FUT8: variants seen among roughly 807,000 people sequenced by gnomAD.
FUT8 encodes the protein fucosyltransferase 8.
A neutral mutation model predicts 71.3 loss-of-function variants in FUT8; 29 were observed. The observed-to-expected ratio is 0.41, with a 90% confidence interval of 0.30 to 0.55. FUT8 has a LOEUF of 0.55. Ranked by LOEUF, FUT8 falls within the 20% of genes least tolerant of loss-of-function variation. The pLI is 0.34. For missense variants in FUT8, 544 were observed against 702.1 expected, an observed-to-expected ratio of 0.77 and a Z score of 2.55; for synonymous variants, 254 against 239.3, an observed-to-expected ratio of 1.06 and a Z score of -0.57.
chr14:65,568,760 G>C (rs1407105385), intron 3 of FUT8, among the ~76,000 whole-genome samples: 1 of 150,640 alleles, frequency 6.6e-6, no homozygotes, highest in East Asian at 1.9e-4. Context: ...ATTTAAGTTA[G>C]GTTGGTTAAT....
chr14:65,633,255 G>C lies in FUT8; in HGVS notation c.597+3649G>C, dbSNP rs562954792. ...GGGCTGGTCTCCAGCTCCTAACCGCGAGTGATCCGCCAGCCTCGGCCTCCT... is the reference window on the plus strand; with the variant it reads ...GGGCTGGTCTCCAGCTCCTAACCGCCAGTGATCCGCCAGCCTCGGCCTCCT... On this transcript the variant is annotated intron_variant, in intron 6 of 10. Transcript: ENST00000673929. 3.3e-5 allele frequency among the ~76,000 whole-genome samples: 5 copies of C among 151,458 alleles called. No individual in the cohort carries two copies. The Middle Eastern group carries it at 0.014, about 412-fold the overall frequency.
rs978968991 is a variant in FUT8, at chr14:65,607,178, G to T, written c.204-8800G>T. Among the ~76,000 whole-genome samples the T allele has an allele frequency of 6.6e-6, 1 of 151,742 alleles. No individual in the cohort carries two copies. The highest frequency in any genetic ancestry group is 2.4e-5 in the African/African-American group (1 of 41,390). On this transcript the variant is annotated intron_variant, in intron 3 of 10. Transcript: ENST00000673929. The surrounding 1 kb of genome is among the most constrained non-coding windows in gnomAD (Gnocchi z 4.1). Reference sequence around the variant, plus strand: ...ATTTGTTTCTTCATTTTCTACACTTGTAAGTCTTACTTCTTTATCTTATTA... The same window carrying T: ...ATTTGTTTCTTCATTTTCTACACTTTTAAGTCTTACTTCTTTATCTTATTA...
chr14:65,529,464 A>G (rs1883781012), intron 2 of FUT8: 2 of 152,632 alleles, frequency 1.3e-5, no homozygotes, highest in South Asian at 2.1e-4. Context: ...AACTGCCGAC[A>G]TCAGGTGATC....
rs564428677 is a variant in FUT8, at chr14:65,521,327, A to G, written c.-227-40010A>G. On this transcript the variant is annotated intron_variant, in intron 2 of 10. Coordinates refer to ENST00000673929, the MANE Select transcript of FUT8 (RefSeq NM_001371533.1). Reference sequence around the variant, plus strand: ...AATTGTTACATAAAAATGTATGAGTATGGATAAAAACATATATATTAGTCT... The same window carrying G: ...AATTGTTACATAAAAATGTATGAGTGTGGATAAAAACATATATATTAGTCT... Among the ~76,000 whole-genome samples, 4 of 152,330 alleles carry G rather than the reference A, an allele frequency of 2.6e-5. No homozygotes were observed. The East Asian group carries it at 7.7e-4, about 29-fold the overall frequency.
chr14:65,478,275 G>A (rs1201941894), intron 2 of FUT8, among the ~76,000 whole-genome samples: 2 of 152,074 alleles, frequency 1.3e-5, no homozygotes, highest in Non-Finnish European at 1.5e-5. Context: ...TGAAACCATG[G>A]ATAGTACTGA....
Position 65,616,225 on chromosome 14 carries a change from C to T in FUT8, c.334C>T (p.His112Tyr). ...KQTRNGLGKD[H>Y]EILRRRIENG... is the part of the protein sequence containing the mutation. ...TTTGACTACAGGTCTGGGGAAGGAT[C>T]ATGAAATCCTGAGGAGGAGGATTGA... The change falls in exon 5 of 11, where the codon CAT (histidine) becomes TAT (tyrosine). Residue 112 changes from histidine (H) to tyrosine (Y), a missense_variant. Coordinates refer to ENST00000673929, the MANE Select transcript of FUT8 (RefSeq NM_001371533.1). 5 of 1,605,698 alleles carry T rather than the reference C, an allele frequency of 3.1e-6. No individual in the cohort carries two copies. Among genetic ancestry groups the T allele is most frequent in the Non-Finnish European group, 2.5e-6 (3 of 1,176,556 alleles).
intron 2 of FUT8, among the ~76,000 whole-genome samples, chr14:65,541,296 A>T (rs558792655): frequency 6.6e-6 from 1 of 152,302 alleles, no homozygotes; most frequent in African/African-American, 2.4e-5. Context: ...ACATAAGAGG[A>T]GATTTATCAT....
intron 1 of FUT8, among the ~76,000 whole-genome samples, chr14:65,431,015 G>C (rs969378324): frequency 8.0e-6 from 1 of 125,036 alleles, no homozygotes; most frequent in Non-Finnish European, 1.6e-5. Context: ...TTTTTTTTGA[G>C]ACAGAGTTTC....
Position 65,742,134 on chromosome 14 carries a change from T to C in FUT8, c.1452T>C (p.Pro484=). 1 of 1,613,074 alleles carries C rather than the reference T, an allele frequency of 6.2e-7. No individual in the cohort carries two copies. Among genetic ancestry groups the C allele is most frequent in the Non-Finnish European group, 8.5e-7 (1 of 1,179,316 alleles). ...VAYEIMQTLH[P]DASANFHSLD... is the part of the protein sequence containing the mutation. ...ATGAAATTATGCAAACACTACATCCTGATGCCTCTGCAAACTTCCATTCTT... is the reference window on the plus strand; with the variant it reads ...ATGAAATTATGCAAACACTACATCCCGATGCCTCTGCAAACTTCCATTCTT... The change falls in exon 11 of 11, where the codon CCT becomes CCC. Residue 484 remains proline, a synonymous_variant. Transcript: ENST00000673929.
intron 5 of FUT8, among the ~76,000 whole-genome samples, chr14:65,618,216 CTTT>C (rs1179839004): frequency 6.6e-6 from 1 of 151,070 alleles, no homozygotes; most frequent in Non-Finnish European, 1.5e-5. Flanking sequence ...TGAAATAATT[CTTT>C]AAGGAATTAT....
chr14:65,599,810 A>T (rs990640135), intron 3 of FUT8, among the ~76,000 whole-genome samples: 5 of 152,234 alleles, frequency 3.3e-5, no homozygotes, highest in Non-Finnish European at 5.9e-5. Flanking sequence ...TTCTTAATAA[A>T]GCCATTAACT....
chr14:65,380,423 T>C, the FUT8 span, among the ~76,000 whole-genome samples: 1 of 152,114 alleles, frequency 6.6e-6, no homozygotes, highest in Non-Finnish European at 1.5e-5. Context: ...ATTAAAACCA[T>C]AGTAGAAGGT....
At chr14:65,436,321 C>G (rs2065558311) in intron 1 of FUT8, among the ~76,000 whole-genome samples, 1 of 152,062 alleles carries the variant, frequency 6.6e-6, no homozygotes, top group Non-Finnish European at 1.5e-5. Context: ...TCCGAGAATG[C>G]TTATTGGCTT....
At chr14:65,455,849 T>G in intron 2 of FUT8, 131 bp downstream of exon 2, 2 of 391,990 alleles carry the variant, frequency 5.1e-6, no homozygotes, top group Non-Finnish European at 9.0e-6. Flanking sequence ...GTCTAAACTC[T>G]GTTGAATTGT....
In FUT8 at chr14:65,552,559, A is replaced by G. The variant is rs558174656; in HGVS notation, c.-227-8778A>G. 3.3e-5 allele frequency among the ~76,000 whole-genome samples: 5 copies of G among 152,294 alleles called. No homozygotes were observed. The East Asian group carries it at 9.6e-4, about 29-fold the overall frequency. ...CACTAAATGAAGTATATTATTTAGG[A>G]GGTCAGTTACTTACTGCTGACATAG... On this transcript the variant is annotated intron_variant, in intron 2 of 10. Coordinates refer to ENST00000673929, the MANE Select transcript of FUT8 (RefSeq NM_001371533.1).
intron 9 of FUT8, among the ~76,000 whole-genome samples, chr14:65,728,010 C>G (rs1895772754): frequency 6.6e-6 from 1 of 152,190 alleles, no homozygotes; most frequent in South Asian, 2.1e-4. Flanking sequence ...TAGTTCCCAA[C>G]AAGTTCCTCA....
chr14:65,697,915 C>T (rs1894077210), intron 7 of FUT8, among the ~76,000 whole-genome samples: 1 of 151,612 alleles, frequency 6.6e-6, no homozygotes. Flanking sequence ...GTGGAGGTTG[C>T]AGTGAGCTGA....
chr14:65,426,218 T>C (rs142826234), intron 1 of FUT8, among the ~76,000 whole-genome samples: 6 of 152,286 alleles, frequency 3.9e-5, no homozygotes, highest in African/African-American at 1.4e-4. Context: ...CGTGTATTTG[T>C]CTTTTTCTGC....
chr14:65,415,188 C>T (rs2065200737), intron 1 of FUT8, among the ~76,000 whole-genome samples: 1 of 152,112 alleles, frequency 6.6e-6, no homozygotes, highest in Non-Finnish European at 1.5e-5. Flanking sequence ...GGAGGGGGAG[C>T]TAGTGCCAAA....
Sources: allele counts gnomAD v4.1 joint callset (sites outside exome capture counted in the v4.1 genomes callset), GRCh38; gene constraint gnomAD v4.1.1; non-coding constraint Gnocchi (gnomAD v3.1); transcripts MANE v1.5; gene names NCBI Gene and HGNC (gene_info 2026-07-23, HGNC 2026-07-21).